The following FRMPD4 variants were observed in gnomAD, a reference collection of about 807,000 sequenced individuals.
FRMPD4 encodes the protein FERM and PDZ domain-containing protein 4.
In FRMPD4, 22 loss-of-function variants were observed where a neutral mutation model predicts 94.1. The observed-to-expected ratio is 0.23, with a 90% confidence interval of 0.17 to 0.33. FRMPD4 has a LOEUF of 0.33. Among genes scored for constraint, FRMPD4 ranks in the 10% least tolerant of loss-of-function variants. The probability of loss-of-function intolerance (pLI) is 1.00; values close to 1 mark genes in which losing one functional copy is unlikely to be tolerated. For synonymous variants in FRMPD4, 631 were observed against 548.6 expected (o/e 1.15, Z -2.10); for missense variants, 1,111 against 1,339.9 (o/e 0.83, Z 2.67).
At chrX:12,499,965 C>T (rs2057899138) in intron 2 of FRMPD4, among the ~76,000 whole-genome samples, 1 of 111,955 alleles carries the variant, frequency 8.9e-6, no homozygotes, top group African/African-American at 3.2e-5. Context: ...TGAGGAACCA[C>T]CAAACTGTTT....
chrX:12,454,653 G>A (rs1418446471), intron 1 of FRMPD4, among the ~76,000 whole-genome samples: 1 of 110,512 alleles, frequency 9.0e-6, no homozygotes, highest in Non-Finnish European at 1.9e-5. Flanking sequence ...AGACATACTG[G>A]TGATGTGTTC....
chrX:12,524,768 C>A (rs956349758), intron 2 of FRMPD4, among the ~76,000 whole-genome samples: 1 of 111,150 alleles, frequency 9.0e-6, no homozygotes, highest in Non-Finnish European at 1.9e-5. Flanking sequence ...AGCATCATCT[C>A]CTTGATGCCC....
At chrX:11,842,962 CA>C (rs1446068074) in intron 1 of FRMPD4, among the ~76,000 whole-genome samples, 1 of 111,674 alleles carries the variant, frequency 9.0e-6, no homozygotes, top group Non-Finnish European at 1.9e-5. Context: ...CGAAATTCAA[CA>C]ACGCTTCATG....
At position 12,503,068 on chromosome X, in the gene FRMPD4, AAAGT is replaced by A. The variant is rs2057941555; in HGVS notation, c.158+4275_158+4278del. On this transcript the variant is annotated intron_variant, in intron 2 of 16. Coordinates refer to ENST00000675598, the MANE Select transcript of FRMPD4 (RefSeq NM_001368397.1). ...CTGCAAAGGTAGGGAGAGTTAATGC[AAAGT>A]AACATGATTCATAAATCTGGAACTT... 6.2e-5 allele frequency among the ~76,000 whole-genome samples: 7 copies of A among 112,524 alleles called. No individual in the cohort carries two copies. The Admixed American group carries it at 6.6e-4, about 11-fold the overall frequency.
chrX:12,662,221 C>T, intron 4 of FRMPD4, among the ~76,000 whole-genome samples: 1 of 110,136 alleles, frequency 9.1e-6, no homozygotes, highest in Non-Finnish European at 1.9e-5. Context: ...TTTTATTATA[C>T]TGTAAGTTCT....
chrX:11,982,608 G>A (rs1421540032), intron 3 of FRMPD4, among the ~76,000 whole-genome samples: 3 of 110,646 alleles, frequency 2.7e-5, no homozygotes, highest in African/African-American at 9.8e-5. Context: ...TCAACTCTTT[G>A]TCCCGTGGAC....
intron 1 of FRMPD4, among the ~76,000 whole-genome samples, chrX:12,481,006 T>C (rs984576620): frequency 9.0e-6 from 1 of 111,598 alleles, no homozygotes; most frequent in African/African-American, 3.3e-5. Context: ...TGACACACTG[T>C]TAAGGAGGTA....
intron 3 of FRMPD4, among the ~76,000 whole-genome samples, chrX:11,916,482 T>C (rs2054025669): frequency 9.0e-6 from 1 of 110,699 alleles, no homozygotes; most frequent in Non-Finnish European, 1.9e-5. Context: ...TGAGAGAGTG[T>C]GGAGGTGGAA....
chrX:12,709,434 CTTTT>C (rs747298521), intron 13 of FRMPD4, among the ~76,000 whole-genome samples: 15 of 111,719 alleles, frequency 1.3e-4, no homozygotes, highest in African/African-American at 4.9e-4. Context: ...TCATCCAACA[CTTTT>C]TTTTCCCTAT....
At chrX:12,195,746 C>A (rs1048831098) in intron 1 of FRMPD4, among the ~76,000 whole-genome samples, 1 of 111,992 alleles carries the variant, frequency 8.9e-6, no homozygotes, top group African/African-American at 3.2e-5. Flanking sequence ...GCAAGCCGAT[C>A]CTTCTGAAGA....
At chrX:12,323,776 G>A (rs1037938389) in intron 1 of FRMPD4, among the ~76,000 whole-genome samples, 4 of 111,570 alleles carry the variant, frequency 3.6e-5, no homozygotes, top group African/African-American at 6.5e-5. Flanking sequence ...TAGCAAAGAG[G>A]GCAACTGGAG....
At chrX:12,255,924 C>A (rs145504884) in intron 1 of FRMPD4, among the ~76,000 whole-genome samples, 1,133 of 112,048 alleles carry the variant, frequency 0.01, 10 homozygotes, top group African/African-American at 0.034. Flanking sequence ...TAGTAATGGT[C>A]TGGTCATTCT....
chrX:11,979,960 C>T (rs1337384081), intron 3 of FRMPD4, among the ~76,000 whole-genome samples: 2 of 111,565 alleles, frequency 1.8e-5, no homozygotes, highest in African/African-American at 3.3e-5. Context: ...TCTCTATTTG[C>T]TAAAGGTTTC....
intron 1 of FRMPD4, among the ~76,000 whole-genome samples, chrX:12,251,016 C>T (rs779857503): frequency 1.9e-4 from 21 of 112,115 alleles, no homozygotes; most frequent in South Asian, 3.7e-4. Context: ...AGCACCTATC[C>T]GCCAGGAAAG....
intron 2 of FRMPD4, among the ~76,000 whole-genome samples, chrX:12,553,433 C>CATATATATATAT (rs1257665252): frequency 1.4e-4 from 4 of 28,753 alleles, no homozygotes; most frequent in African/African-American, 2.6e-4. Context: ...TATCCATATG[C>CATATATATATAT]CTATATATAT....
At chrX:11,975,468 TAGG>T (rs1484251363) in intron 3 of FRMPD4, among the ~76,000 whole-genome samples, 4 of 112,146 alleles carry the variant, frequency 3.6e-5, no homozygotes, top group African/African-American at 1.3e-4. Context: ...ACCAAACACA[TAGG>T]AGGAGTTTGA....
At chrX:12,699,625 G>T (rs5978569) in intron 9 of FRMPD4, among the ~76,000 whole-genome samples, 2 of 111,043 alleles carry the variant, frequency 1.8e-5, no homozygotes, top group South Asian at 7.6e-4. Context: ...ATGTGCTTCT[G>T]TTGGAAAGGA....
intron 4 of FRMPD4, among the ~76,000 whole-genome samples, chrX:12,668,394 T>G (rs1212600187): frequency 2.7e-5 from 3 of 111,329 alleles, no homozygotes; most frequent in African/African-American, 9.8e-5. Flanking sequence ...ATTTATTCAT[T>G]AAATAGTAAA....
chrX:12,100,252 T>A (rs5979510), intron 3 of FRMPD4, among the ~76,000 whole-genome samples: 14,770 of 111,636 alleles, frequency 0.13, 1,456 homozygotes, highest in East Asian at 0.6. Flanking sequence ...CCCAACAAAT[T>A]GTTCTTAACA....
Sources: gnomAD v4.1 joint callset for allele counts (sites outside exome capture counted in the v4.1 genomes callset) on GRCh38, gnomAD v4.1.1 for gene constraint, MANE v1.5 for transcripts, NCBI Gene and HGNC (gene_info 2026-07-23, HGNC 2026-07-21) for gene names.